Variants in TMEM260 observed in about 807,000 individuals in gnomAD.
The protein encoded by TMEM260 is protein O-mannosyl-transferase TMEM260.
Under a neutral mutation model 88.9 loss-of-function variants are expected in TMEM260, and 82 were observed. The ratio of observed to expected loss-of-function variants is 0.92; its 90% CI spans 0.77 to 1.11. The LOEUF (loss-of-function observed/expected upper bound fraction) is 1.11, where lower values mean the gene tolerates loss of function less well. Ranked by LOEUF, TMEM260 falls within the 50% of genes least tolerant of loss-of-function variation. TMEM260 has a pLI of 0.00. For missense variants in TMEM260, 902 were observed against 853.4 expected, an observed-to-expected ratio of 1.06 and a Z score of -0.71; for synonymous variants, 314 against 309.3, an observed-to-expected ratio of 1.02 and a Z score of -0.16.
intron 15 of TMEM260, 60 bp downstream of exon 15, chr14:56,636,658 T>G (rs1944367467): frequency 7.1e-7 from 1 of 1,416,268 alleles, no homozygotes; most frequent in Admixed American, 1.7e-5. Flanking sequence ...ATGGTGATTG[T>G]TCAGAATGGA....
chr14:56,629,142 TGCCTTG>T (rs1202234452), intron 12 of TMEM260, among the ~76,000 whole-genome samples: 3 of 152,096 alleles, frequency 2.0e-5, no homozygotes, highest in Non-Finnish European at 4.4e-5. Flanking sequence ...GTGATCCATC[TGCCTTG>T]GCCTCCCAAA....
At chr14:56,606,844 G>A (rs1261732679) in intron 5 of TMEM260, among the ~76,000 whole-genome samples, 3 of 152,262 alleles carry the variant, frequency 2.0e-5, no homozygotes, top group South Asian at 2.1e-4. Context: ...GCAGTGAGCC[G>A]ATATCGCGCC....
At chr14:56,627,980 AGT>A (rs1888342591) in intron 12 of TMEM260, among the ~76,000 whole-genome samples, 1 of 152,140 alleles carries the variant, frequency 6.6e-6, no homozygotes, top group Non-Finnish European at 1.5e-5. Flanking sequence ...CCTTTTCCTG[AGT>A]GTCATATAAA....
intron 3 of TMEM260, among the ~76,000 whole-genome samples, chr14:56,595,820 T>C (rs990126445): frequency 3.3e-5 from 5 of 152,164 alleles, no homozygotes; most frequent in Non-Finnish European, 5.9e-5. Context: ...ATATTTATTT[T>C]ATAGACAAGG....
rs35019348 is a variant in TMEM260, at chr14:56,613,895, C to CAA, written c.857+1624_857+1625dup. Reference sequence around the variant, plus strand: ...GGCAACATAGTGAGACCCGTCTCTGCAAAAAAAAAAAAAAATTTTTTTTTT... The same window carrying CAA: ...GGCAACATAGTGAGACCCGTCTCTGCAAAAAAAAAAAAAAAAATTTTTTTTTT... On this transcript the variant is annotated intron_variant, in intron 7 of 15. Transcript: ENST00000261556. 6.1e-3 allele frequency: 815 copies of CAA among 133,056 alleles called. 7 individuals are homozygous for CAA. The highest frequency in any genetic ancestry group is 0.018 in the African/African-American group (667 of 36,150). 8.2% of individuals were successfully genotyped at this position (133,056 alleles called of 1,614,324 possible).
At chr14:56,637,709 GCATGGTGTC>G (rs1217291362) in intron 15 of TMEM260, among the ~76,000 whole-genome samples, 1 of 152,204 alleles carries the variant, frequency 6.6e-6, no homozygotes, top group African/African-American at 2.4e-5. Context: ...AGACAAAATA[GCATGGTGTC>G]CAATCAGTAT....
downstream of TMEM260, among the ~76,000 whole-genome samples, chr14:56,655,315 G>A (rs529365513): frequency 2.0e-3 from 300 of 151,908 alleles, 1 homozygote; most frequent in African/African-American, 6.9e-3. Flanking sequence ...GCTTAAACCC[G>A]GGAGGCGGAG....
intron 6 of TMEM260, among the ~76,000 whole-genome samples, chr14:56,610,614 A>G (rs1594843994): frequency 6.6e-6 from 1 of 152,176 alleles, no homozygotes; most frequent in Non-Finnish European, 1.5e-5. Flanking sequence ...TTAAAGATGT[A>G]TTATATATGT....
chr14:56,642,903 A>G (rs752310664), intron 15 of TMEM260, among the ~76,000 whole-genome samples: 1 of 152,148 alleles, frequency 6.6e-6, no homozygotes, highest in Non-Finnish European at 1.5e-5. Context: ...TAAACTAGAA[A>G]CTAATCTAGA....
At chr14:56,604,021 G>T in intron 4 of TMEM260, 29 bp downstream of exon 4, 1 of 1,506,820 alleles carries the variant, frequency 6.6e-7, no homozygotes, top group South Asian at 1.4e-5. Flanking sequence ...AGTGAAATCA[G>T]TTTTTGTTTT....
chr14:56,642,733 A>G (rs1384099926), intron 15 of TMEM260, among the ~76,000 whole-genome samples: 1 of 152,226 alleles, frequency 6.6e-6, no homozygotes, highest in Non-Finnish European at 1.5e-5. Flanking sequence ...TGGTTTTTTG[A>G]AAAGATCAAC....
intron 3 of TMEM260, among the ~76,000 whole-genome samples, chr14:56,600,374 C>T (rs997107468): frequency 6.6e-6 from 1 of 152,078 alleles, no homozygotes; most frequent in Non-Finnish European, 1.5e-5. Flanking sequence ...AGAGGGAAGA[C>T]AGTGTGTTTC....
downstream of TMEM260, among the ~76,000 whole-genome samples, chr14:56,654,791 G>A (rs1410799266): frequency 3.1e-5 from 4 of 127,992 alleles, no homozygotes; most frequent in Non-Finnish European, 6.2e-5. Flanking sequence ...TCCAACCTGG[G>A]CAACAAGAGC....
Position 56,593,677 on chromosome 14 carries a change from C to CTTTTTTTT in TMEM260, c.344+7786_344+7793dup, listed in dbSNP as rs34268894. On this transcript the variant is annotated intron_variant, in intron 3 of 15. Coordinates refer to ENST00000261556, the MANE Select transcript of TMEM260 (RefSeq NM_017799.4). ...ATTATTGGTATTGACAGGTGAGTGT[C>CTTTTTTTT]TTTTTTTTTTTTTTTTTTTTTTTTT... Among the ~76,000 whole-genome samples, 8 of 63,504 alleles carry CTTTTTTTT rather than the reference C, an allele frequency of 1.3e-4. 1 individual carries two copies. The highest frequency in any genetic ancestry group is 2.1e-4 in the Non-Finnish European group (7 of 32,994). 41.7% of individuals were successfully genotyped at this position (63,504 alleles called of 152,430 possible). A position where few individuals can be genotyped will look rare whatever the true frequency, so the allele number is the denominator to read the frequency against.
At chr14:56,599,760 C>A (rs1886455957) in intron 3 of TMEM260, among the ~76,000 whole-genome samples, 1 of 152,176 alleles carries the variant, frequency 6.6e-6, no homozygotes, top group Non-Finnish European at 1.5e-5. Flanking sequence ...TTAGCTGAAC[C>A]TATCTTTGGA....
chr14:56,650,354 G>T (rs1890181959), downstream of TMEM260: 1 of 244,882 alleles, frequency 4.1e-6, no homozygotes, highest in Admixed American at 5.2e-5. Flanking sequence ...CAGAGGGCAA[G>T]TGGAGAAGCG....
At chr14:56,663,020 C>G in the TMEM260 span, among the ~76,000 whole-genome samples, 6 of 152,212 alleles carry the variant, frequency 3.9e-5, no homozygotes, top group South Asian at 1.2e-3. The surrounding 1 kb of genome is among the most constrained non-coding windows in gnomAD (Gnocchi z 4.1). Context: ...CCCAGCTACT[C>G]AGGAAGACTG....
chr14:56,612,506 A>G, intron 7 of TMEM260: 1 of 551,286 alleles, frequency 1.8e-6, no homozygotes, highest in Non-Finnish European at 3.2e-6. Context: ...TGGGTGCTCA[A>G]GTCCTGATAT....
At chr14:56,632,152 ATCTC>A (rs1483362830) in intron 12 of TMEM260, among the ~76,000 whole-genome samples, 1 of 152,106 alleles carries the variant, frequency 6.6e-6, no homozygotes, top group Non-Finnish European at 1.5e-5. Flanking sequence ...TGCTCTCTGC[ATCTC>A]TCTCCTTTCT....
Sources: gnomAD v4.1 joint callset for allele counts (sites outside exome capture counted in the v4.1 genomes callset) on GRCh38, gnomAD v4.1.1 for gene constraint, Gnocchi (gnomAD v3.1) non-coding constraint, MANE v1.5 for transcripts, NCBI Gene and HGNC (gene_info 2026-07-23, HGNC 2026-07-21) for gene names.